The following ADGRB3 variants were observed in gnomAD, a reference collection of about 807,000 sequenced individuals.
ADGRB3 encodes brain-specific angiogenesis inhibitor 3.
A neutral mutation model predicts 193.4 loss-of-function variants in ADGRB3; 37 were observed. That is an observed-to-expected ratio of 0.19 (90% confidence interval 0.15 to 0.25). The LOEUF (loss-of-function observed/expected upper bound fraction) is 0.25, where lower values mean the gene tolerates loss of function less well. Ranked by LOEUF, ADGRB3 falls within the 10% of genes least tolerant of loss-of-function variation. ADGRB3 has a pLI of 1.00. For synonymous variants in ADGRB3, 690 were observed against 644.2 expected, an observed-to-expected ratio of 1.07 and a Z score of -1.08; for missense variants, 1,637 against 1,852.9, an observed-to-expected ratio of 0.88 and a Z score of 2.14.
At chr6:68,716,991 G>A (rs777413538) in intron 3 of ADGRB3, among the ~76,000 whole-genome samples, 1 of 151,416 alleles carries the variant, frequency 6.6e-6, no homozygotes, top group Admixed American at 6.6e-5. Context: ...TGATAAAGCC[G>A]GCTTTCTTCA....
At chr6:69,384,187 A>G (rs753183775) in intron 31 of ADGRB3, among the ~76,000 whole-genome samples, 10 of 152,166 alleles carry the variant, frequency 6.6e-5, no homozygotes, top group Admixed American at 2.0e-4. Flanking sequence ...GGCTATGAGA[A>G]ATATACGCTC....
At chr6:68,980,323 A>G (rs918011967) in intron 10 of ADGRB3, among the ~76,000 whole-genome samples, 1 of 151,544 alleles carries the variant, frequency 6.6e-6, no homozygotes, top group Non-Finnish European at 1.5e-5. Context: ...TCTTATGGGT[A>G]GTTTATTAGA....
intron 3 of ADGRB3, among the ~76,000 whole-genome samples, chr6:68,787,269 A>T (rs1052540803): frequency 3.9e-5 from 6 of 152,184 alleles, no homozygotes; most frequent in East Asian, 3.9e-4. Context: ...TTGCCCATTC[A>T]GTATGATATT....
At chr6:69,184,051 A>AC (rs1765013313) in intron 17 of ADGRB3, among the ~76,000 whole-genome samples, 1 of 152,134 alleles carries the variant, frequency 6.6e-6, no homozygotes, top group Admixed American at 6.5e-5. Context: ...AGGGTAAAAA[A>AC]TTTTTAACTT....
chr6:69,339,282 G>T, intron 25 of ADGRB3, 51 bp from the exon 26 acceptor site: 7 of 1,588,388 alleles, frequency 4.4e-6, no homozygotes, highest in South Asian at 1.1e-5. Flanking sequence ...TTTGGCTATG[G>T]CCTGGGGTGT....
At chr6:68,929,790 A>T (rs1163006643) in intron 3 of ADGRB3, among the ~76,000 whole-genome samples, 1 of 152,136 alleles carries the variant, frequency 6.6e-6, no homozygotes, top group Non-Finnish European at 1.5e-5. Context: ...CTTTTACTCA[A>T]CTAATTTTTT....
chr6:69,338,827 C>A (rs906280281), intron 24 of ADGRB3, 89 bp from the exon 25 acceptor site: 2 of 1,032,336 alleles, frequency 1.9e-6, no homozygotes, highest in Non-Finnish European at 1.5e-6. Flanking sequence ...TGCATGAAAT[C>A]GTATTTAAAA....
At chr6:69,346,733 G>A (rs1452756940) in intron 26 of ADGRB3, among the ~76,000 whole-genome samples, 1 of 152,144 alleles carries the variant, frequency 6.6e-6, no homozygotes, top group Non-Finnish European at 1.5e-5. Context: ...GGAGAAATAG[G>A]AAGGCTTTTA....
intron 3 of ADGRB3, among the ~76,000 whole-genome samples, chr6:68,798,471 G>T (rs184857899): frequency 3.3e-5 from 5 of 151,594 alleles, no homozygotes; most frequent in Admixed American, 2.0e-4. Flanking sequence ...GTGATAGTTG[G>T]GTGTTGAACT....
chr6:69,182,831 C>T (rs919662904), intron 17 of ADGRB3, among the ~76,000 whole-genome samples: 1 of 152,032 alleles, frequency 6.6e-6, no homozygotes, highest in Non-Finnish European at 1.5e-5. Context: ...AGGCTATCAT[C>T]ATAACATTGC....
At position 69,282,967 on chromosome 6, in the gene ADGRB3, C is replaced by T. The variant is rs554522179; in HGVS notation, c.2815-41905C>T. 1.4e-4 allele frequency among the ~76,000 whole-genome samples: 22 copies of T among 151,978 alleles called. No homozygotes were observed. In the East Asian group the frequency reaches 2.5e-3, roughly 17 times the overall value. On this transcript the variant is annotated intron_variant, in intron 20 of 31. Coordinates refer to ENST00000370598, the MANE Select transcript of ADGRB3 (RefSeq NM_001704.3). ...AATAGATCAAGGACATTTGAGCTAG[C>T]ATAGACAGGATGGATAGAAAATAAA...
intron 15 of ADGRB3, among the ~76,000 whole-genome samples, chr6:69,055,998 T>A (rs761008959): frequency 4.8e-4 from 73 of 151,920 alleles, no homozygotes; most frequent in Middle Eastern, 3.4e-3. Flanking sequence ...GCCTGGCTAA[T>A]TTTTGTATTT....
chr6:69,021,526 G>GAT (rs1562125049), intron 13 of ADGRB3, among the ~76,000 whole-genome samples: 2 of 151,850 alleles, frequency 1.3e-5, no homozygotes, highest in African/African-American at 4.8e-5. Flanking sequence ...CACATGTATA[G>GAT]CAAATAGAAT....
At chr6:68,721,914 GAT>G (rs1765590045) in intron 3 of ADGRB3, among the ~76,000 whole-genome samples, 2 of 151,078 alleles carry the variant, frequency 1.3e-5, no homozygotes, top group African/African-American at 4.8e-5. Flanking sequence ...TTTAATGTAT[GAT>G]ATTTAATTTA....
intron 13 of ADGRB3, among the ~76,000 whole-genome samples, chr6:69,019,463 G>A (rs1173427972): frequency 2.0e-5 from 3 of 151,950 alleles, no homozygotes; most frequent in African/African-American, 7.2e-5. Context: ...GATTAAGGCT[G>A]TTGGTGGTTC....
chr6:69,090,809 A>G (rs1772683838), intron 17 of ADGRB3, among the ~76,000 whole-genome samples: 1 of 152,244 alleles, frequency 6.6e-6, no homozygotes. Flanking sequence ...TGCAACCATC[A>G]TGCAATGCCT....
chr6:69,026,230 G>A (rs1371470520), intron 13 of ADGRB3, among the ~76,000 whole-genome samples: 3 of 152,178 alleles, frequency 2.0e-5, no homozygotes, highest in Non-Finnish European at 4.4e-5. Flanking sequence ...TGAAGCAGTC[G>A]ACAGGGTGAG....
chr6:69,029,770 A>C (rs1770570880), intron 13 of ADGRB3, among the ~76,000 whole-genome samples: 1 of 152,114 alleles, frequency 6.6e-6, no homozygotes, highest in East Asian at 1.9e-4. Flanking sequence ...ATAGAAAACC[A>C]TAACTTCAAA....
chr6:68,725,610 G>A (rs1449170956), intron 3 of ADGRB3, among the ~76,000 whole-genome samples: 2 of 151,652 alleles, frequency 1.3e-5, no homozygotes, highest in African/African-American at 4.8e-5. Flanking sequence ...AGGTTGCTGA[G>A]TACACTGAAG....
Sources: gnomAD v4.1 joint callset for allele counts (sites outside exome capture counted in the v4.1 genomes callset) on GRCh38, gnomAD v4.1.1 for gene constraint, MANE v1.5 for transcripts, NCBI Gene and HGNC (gene_info 2026-07-23, HGNC 2026-07-21) for gene names.